The following IP6K2 variants were observed in gnomAD, a reference collection of about 807,000 sequenced individuals.
IP6K2 encodes the protein inositol hexakisphosphate kinase 2.
In IP6K2, 9 loss-of-function variants were observed where a neutral mutation model predicts 43.3. That is an observed-to-expected ratio of 0.21 (90% confidence interval 0.13 to 0.36). The LOEUF (loss-of-function observed/expected upper bound fraction) is 0.36. IP6K2 is among the 10% of genes least tolerant of loss of function. IP6K2 has a pLI of 1.00. For missense variants in IP6K2, 332 were observed against 538.4 expected, an observed-to-expected ratio of 0.62 and a Z score of 3.79; for synonymous variants, 209 against 202.4, an observed-to-expected ratio of 1.03 and a Z score of -0.28.
Position 48,695,437 on chromosome 3 carries a change from A to G in IP6K2, c.-130-16T>C, listed in dbSNP as rs997984307. 9 of 1,415,844 alleles carry G rather than the reference A, an allele frequency of 6.4e-6. No individual in the cohort carries two copies. The African/African-American group carries it at 1.0e-4, about 16-fold the overall frequency. The allele number at this position is 1,415,844 out of a possible 1,614,324, so 87.7% of individuals were successfully genotyped here. A position where few individuals can be genotyped will look rare whatever the true frequency, so the allele number is the denominator to read the frequency against. On this transcript the variant is annotated splice_polypyrimidine_tract_variant and intron_variant, in intron 1 of 5. Transcript: ENST00000328631. This position sits in a 1 kb window ranked among gnomAD's most constrained non-coding sequence, Gnocchi z 4.6. ...GGATGCTCTGCTGGAAGCAAACAAAATGATGACATGGGGGTTCGAAGTAGC... is the reference window on the plus strand; with the variant it reads ...GGATGCTCTGCTGGAAGCAAACAAAGTGATGACATGGGGGTTCGAAGTAGC...
intron 1 of IP6K2, among the ~76,000 whole-genome samples, chr3:48,703,164 T>C (rs2079259627): frequency 6.6e-6 from 1 of 152,152 alleles, no homozygotes; most frequent in Admixed American, 6.5e-5. Flanking sequence ...GTAGAAACAT[T>C]TCATGTCAAA....
At chr3:48,702,448 C>A (rs1299750413) in intron 1 of IP6K2, among the ~76,000 whole-genome samples, 4 of 150,512 alleles carry the variant, frequency 2.7e-5, no homozygotes, top group South Asian at 4.2e-4. Flanking sequence ...TGTCACCCCC[C>A]CTTTTTTTTT....
chr3:48,692,859 A>T (rs951090134), intron 3 of IP6K2, 95 bp downstream of exon 3: 12 of 846,680 alleles, frequency 1.4e-5, no homozygotes, highest in Non-Finnish European at 1.9e-5. Context: ...TACTAAATCC[A>T]CTTCAGTCCT....
At chr3:48,716,865 C>G (rs1399443009) in intron 1 of IP6K2, among the ~76,000 whole-genome samples, 2 of 152,112 alleles carry the variant, frequency 1.3e-5, no homozygotes, top group Non-Finnish European at 2.9e-5. Context: ...CAGGAAAGAT[C>G]CTGCCCTCCC....
chr3:48,716,217 C>T (rs1422238061), intron 1 of IP6K2, among the ~76,000 whole-genome samples: 1 of 152,200 alleles, frequency 6.6e-6, no homozygotes, highest in Non-Finnish European at 1.5e-5. Flanking sequence ...AATCATGGTC[C>T]TCTATTAAAA....
intron 1 of IP6K2, among the ~76,000 whole-genome samples, chr3:48,706,713 GC>G (rs1284402293): frequency 6.6e-6 from 1 of 151,908 alleles, no homozygotes; most frequent in Non-Finnish European, 1.5e-5. Flanking sequence ...AGTGGCACGG[GC>G]CCATAGTCCC....
In IP6K2 at chr3:48,691,349, A is replaced by G. The variant is rs994880544; in HGVS notation, c.562T>C (p.Leu188=). The change falls in exon 4 of 6, where the codon TTA becomes CTA. Residue 188 remains leucine, a synonymous_variant. Transcript: ENST00000328631. The stretch of plus-strand genomic sequence containing the variant: ...TTTGCATTCTCCTTCATTCTCTGTA[A>G]CTGTTGCTGGTGACATTTCATGCTC... ...PWSMKCHQQQ[L]QRMKENAKHR... The G allele has an allele frequency of 4.3e-6, 7 of 1,613,928 alleles. No homozygotes were observed. Among genetic ancestry groups the G allele is most frequent in the Non-Finnish European group, 5.9e-6 (7 of 1,179,950 alleles).
intron 1 of IP6K2, among the ~76,000 whole-genome samples, chr3:48,712,738 C>T (rs1189232762): frequency 4.0e-5 from 6 of 150,932 alleles, no homozygotes; most frequent in Non-Finnish European, 8.8e-5. Context: ...ATGTGCAGGC[C>T]GGGCGCAGTG....
intron 1 of IP6K2, among the ~76,000 whole-genome samples, chr3:48,700,511 C>A (rs971906914): frequency 6.6e-6 from 1 of 152,206 alleles, no homozygotes; most frequent in African/African-American, 2.4e-5. Context: ...TAGCTTTCCA[C>A]ATTGCCTCAC....
At chr3:48,715,406 C>T (rs2107123226) in intron 1 of IP6K2, 1 of 1,536,252 alleles carries the variant, frequency 6.5e-7, no homozygotes, top group Non-Finnish European at 8.7e-7. Flanking sequence ...TCTGGCATCC[C>T]TCTTGGAAGG....
chr3:48,698,056 G>T (rs959147411), intron 1 of IP6K2, among the ~76,000 whole-genome samples: 2 of 152,118 alleles, frequency 1.3e-5, no homozygotes, highest in African/African-American at 4.8e-5. Context: ...AGGAAGGCAC[G>T]TATTGAGAAG....
At position 48,692,992 on chromosome 3, in the gene IP6K2, G is replaced by A. The variant is rs761045494; in HGVS notation, c.390C>T (p.Asp130=). ...HVLETEKTPK[D]WVRQHRKEEK... is the part of the protein sequence containing the mutation. Reference sequence around the variant, plus strand: ...CCTCTTTACGGTGCTGACGCACCCAGTCCTTAGGGGTCTTTTCTGTTTCTA... The same window carrying A: ...CCTCTTTACGGTGCTGACGCACCCAATCCTTAGGGGTCTTTTCTGTTTCTA... The change falls in exon 3 of 6, where the codon GAC becomes GAT. Residue 130 remains aspartate, a synonymous_variant. Coordinates refer to ENST00000328631, the MANE Select transcript of IP6K2 (RefSeq NM_016291.4). 2.5e-5 allele frequency: 40 copies of A among 1,614,010 alleles called. No individual in the cohort carries two copies. Among genetic ancestry groups the A allele is most frequent in the Non-Finnish European group, 3.4e-5 (40 of 1,180,006 alleles).
At chr3:48,710,853 T>C (rs1032439538) in intron 1 of IP6K2, among the ~76,000 whole-genome samples, 2 of 152,056 alleles carry the variant, frequency 1.3e-5, no homozygotes, top group Non-Finnish European at 2.9e-5. Context: ...TCGTGATCCA[T>C]CCGCCTCGGC....
At position 48,709,900 on chromosome 3, in the gene IP6K2, A is replaced by G. The variant is rs1575749564; in HGVS notation, c.-131+7257T>C. On this transcript the variant is annotated intron_variant, in intron 1 of 5. Coordinates refer to ENST00000328631, the MANE Select transcript of IP6K2 (RefSeq NM_016291.4). ...ACCAGTCACAGCACTATGTCCTAAT[A>G]AAGAGACACCTGCCAATTATGCTTC... Among the ~76,000 whole-genome samples, 3 of 152,108 alleles carry G rather than the reference A, an allele frequency of 2.0e-5. No individual in the cohort carries two copies. The East Asian group carries it at 5.8e-4, about 29-fold the overall frequency.
chr3:48,693,872 G>A, intron 2 of IP6K2: 2 of 1,194,598 alleles, frequency 1.7e-6, no homozygotes, highest in Non-Finnish European at 2.1e-6. Context: ...GACATGTGGT[G>A]GCCTTGAAAG....
At position 48,700,335 on chromosome 3, in the gene IP6K2, TTC is replaced by T. The variant is rs748810754; in HGVS notation, c.-130-4916_-130-4915del. ...AAGCACCAATCTCCATGTCACCTGT[TTC>T]TCTCTCTCTCTTTTTGAGCAGTGTG... On this transcript the variant is annotated intron_variant, in intron 1 of 5. Transcript: ENST00000328631. Among the ~76,000 whole-genome samples, 29 of 152,126 alleles carry T rather than the reference TTC, an allele frequency of 1.9e-4. No individual in the cohort carries two copies. The East Asian group carries it at 2.3e-3, about 12-fold the overall frequency.
In IP6K2 at chr3:48,692,982, G is replaced by C. The variant is rs1261660600; in HGVS notation, c.400C>G (p.Gln134Glu). ...TTCATTTTCTCCTCTTTACGGTGCT[G>C]ACGCACCCAGTCCTTAGGGGTCTTT... The part of the protein sequence containing the change: ...TEKTPKDWVR[Q>E]HRKEEKMKSH... The change falls in exon 3 of 6, where the codon CAG becomes GAG. Residue 134 changes from glutamine (Q) to glutamate (E), a missense_variant. Gln to Glu is a conservative substitution (Grantham distance 29). Coordinates refer to ENST00000328631, the MANE Select transcript of IP6K2 (RefSeq NM_016291.4). 1 of 1,613,486 alleles carries C rather than the reference G, an allele frequency of 6.2e-7. No individual in the cohort carries two copies. The highest frequency in any genetic ancestry group is 8.5e-7 in the Non-Finnish European group (1 of 1,179,568).
rs1575617128 is a variant in IP6K2 at position 48,694,962 on chromosome 3, G to A, written c.202+128C>T. The A allele has an allele frequency of 3.2e-6, 5 of 1,586,772 alleles. No homozygotes were observed. In the Admixed American group the frequency reaches 9.1e-5, roughly 29 times the overall value. ...CTGAGGGCCAGGAGGAGGAGAAGGA[G>A]GAGAGGGAGGGAAAGCACAGAGTGG... On this transcript the variant is annotated intron_variant, in intron 2 of 5. Coordinates refer to ENST00000328631, the MANE Select transcript of IP6K2 (RefSeq NM_016291.4).
chr3:48,707,319 C>T (rs996630625), intron 1 of IP6K2, among the ~76,000 whole-genome samples: 1 of 152,224 alleles, frequency 6.6e-6, no homozygotes, highest in Non-Finnish European at 1.5e-5. Context: ...GCCCACCCTT[C>T]GTACTCAGAG....
Sources: gnomAD v4.1 joint callset for allele counts (sites outside exome capture counted in the v4.1 genomes callset) on GRCh38, gnomAD v4.1.1 for gene constraint, Gnocchi (gnomAD v3.1) non-coding constraint, MANE v1.5 for transcripts, NCBI Gene and HGNC (gene_info 2026-07-23, HGNC 2026-07-21) for gene names.